The following CDK5RAP1 variants were observed in gnomAD, a reference collection of about 807,000 sequenced individuals.
The protein encoded by CDK5RAP1 is mitochondrial tRNA methylthiotransferase CDK5RAP1.
Under a neutral mutation model 64.5 loss-of-function variants are expected in CDK5RAP1, and 62 were observed. The ratio of observed to expected loss-of-function variants is 0.96; its 90% CI spans 0.78 to 1.19. The LOEUF is 1.19. Among genes scored for constraint, CDK5RAP1 ranks in the 50% most tolerant of loss-of-function variants. The probability of loss-of-function intolerance (pLI) is 0.00; values close to 1 mark genes in which losing one functional copy is unlikely to be tolerated. For missense variants in CDK5RAP1, 657 were observed against 735.0 expected (o/e 0.89, Z 1.23); for synonymous variants, 250 against 261.9 (o/e 0.95, Z 0.44).
intron 8 of CDK5RAP1, among the ~76,000 whole-genome samples, chr20:33,377,802 C>T (rs1190900336): frequency 6.6e-6 from 1 of 152,202 alleles, no homozygotes; most frequent in Non-Finnish European, 1.5e-5. Context: ...CAGGTCTGCA[C>T]AACCAAACCC....
intron 2 of CDK5RAP1, 30 bp downstream of exon 2, chr20:33,396,731 G>A: frequency 3.3e-6 from 5 of 1,529,190 alleles, no homozygotes; most frequent in Admixed American, 1.7e-5. Context: ...AAGGCAGGAA[G>A]CCCAAAGGGA....
In CDK5RAP1 at chr20:33,396,888, C is replaced by T. The variant is rs1988949850; in HGVS notation, c.177G>A (p.Leu59=). 3 of 1,614,062 alleles carry T rather than the reference C, an allele frequency of 1.9e-6. No individual in the cohort carries two copies. The highest frequency in any genetic ancestry group is 1.7e-6 in the Non-Finnish European group (2 of 1,180,026). The change falls in exon 2 of 14, where the codon CTG becomes CTA. Residue 59 remains leucine, a synonymous_variant. Transcript: ENST00000346416. ...AATGTTGAAAAGTCGGTCCAGCAGC[C>T]AGCCTGGAGCTGAAATCCTTCCGAG... ...DGARKDFSSR[L]AAGPTFQHFL...
rs759619652 is a variant in CDK5RAP1 at position 33,387,316 on chromosome 20, G to T, written c.755+7C>A. On this transcript the variant is annotated splice_region_variant and intron_variant, in intron 6 of 13. Coordinates refer to ENST00000346416, the MANE Select transcript of CDK5RAP1 (RefSeq NM_016408.4). ...GCTTATTCCCTATCTCTTAGGCAGT[G>T]ACTCACACAAAGGCAGACGTGGCAC... 6.9e-6 allele frequency: 11 copies of T among 1,600,424 alleles called. No individual in the cohort carries two copies. In the Admixed American group the frequency reaches 1.0e-4, roughly 15 times the overall value.
chr20:33,373,829 T>G (rs1985515038), intron 9 of CDK5RAP1: 2 of 394,224 alleles, frequency 5.1e-6, no homozygotes, highest in Admixed American at 8.3e-5. Flanking sequence ...TCCAGTGCCC[T>G]GTGGCTTAGT....
intron 12 of CDK5RAP1, among the ~76,000 whole-genome samples, chr20:33,361,538 T>A (rs1982916421): frequency 6.6e-6 from 1 of 152,176 alleles, no homozygotes; most frequent in African/African-American, 2.4e-5. Flanking sequence ...TTTATGGATT[T>A]GTCACAGTCA....
At chr20:33,370,771 A>C (rs2146612489) in intron 10 of CDK5RAP1, 142 bp from the exon 11 acceptor site, 3 of 778,152 alleles carry the variant, frequency 3.9e-6, no homozygotes, top group Non-Finnish European at 6.2e-6. Flanking sequence ...AAAATAGTAC[A>C]GAGTAAGGCG....
Position 33,377,427 on chromosome 20 carries a change from G to A in CDK5RAP1, c.1107+2034C>T, listed in dbSNP as rs566945875. ...CTTGCACTTTGATGTTAGAGAGATG[G>A]CTTCTTTCCTCAAACCTTGTAAGTC... On this transcript the variant is annotated intron_variant, in intron 8 of 13. Coordinates refer to ENST00000346416, the MANE Select transcript of CDK5RAP1 (RefSeq NM_016408.4). Among the ~76,000 whole-genome samples, 125 of 152,182 alleles carry A rather than the reference G, an allele frequency of 8.2e-4. 4 individuals are homozygous for A. The South Asian group carries it at 0.021, about 26-fold the overall frequency.
chr20:33,400,372 GAGA>G (rs1989287949), intron 1 of CDK5RAP1, among the ~76,000 whole-genome samples: 1 of 152,214 alleles, frequency 6.6e-6, no homozygotes, highest in South Asian at 2.1e-4. Context: ...TCAAGAGTCA[GAGA>G]AGAACAGCCT....
In CDK5RAP1 at chr20:33,379,455, G is replaced by T; in HGVS notation, c.1107+6C>A. ...ATCAGTTTGTCACAGCTAACCTGAC[G>T]CTCACCTCATCAGGAAAATCCTTGG... On this transcript the variant is annotated splice_donor_region_variant and intron_variant, in intron 8 of 13. Coordinates refer to ENST00000346416, the MANE Select transcript of CDK5RAP1 (RefSeq NM_016408.4). 1 of 1,593,152 alleles carries T rather than the reference G, an allele frequency of 6.3e-7. No homozygotes were observed. The highest frequency in any genetic ancestry group is 2.2e-5 in the East Asian group (1 of 44,778).
intron 1 of CDK5RAP1, among the ~76,000 whole-genome samples, chr20:33,398,782 C>A (rs1307580554): frequency 6.6e-6 from 1 of 151,902 alleles, no homozygotes; most frequent in African/African-American, 2.4e-5. Flanking sequence ...AAAAAATAGC[C>A]GAGCACAGTG....
intron 5 of CDK5RAP1, among the ~76,000 whole-genome samples, chr20:33,389,578 G>A (rs1376080296): frequency 6.8e-6 from 1 of 147,416 alleles, no homozygotes; most frequent in Non-Finnish European, 1.5e-5. Context: ...CCCCGTCCGG[G>A]AGGGAGTAGG....
chr20:33,389,964 A>AT (rs1157266033), intron 5 of CDK5RAP1, among the ~76,000 whole-genome samples: 1 of 148,374 alleles, frequency 6.7e-6, no homozygotes, highest in East Asian at 2.0e-4. Context: ...ACAACGGAGT[A>AT]TTACTCAGCC....
chr20:33,390,198 T>C (rs1317462003), intron 5 of CDK5RAP1, among the ~76,000 whole-genome samples: 2 of 150,780 alleles, frequency 1.3e-5, no homozygotes, highest in African/African-American at 4.9e-5. Flanking sequence ...TGCTTGAGCC[T>C]GGGAGGTTGA....
At chr20:33,384,171 G>GA (rs919624604) in intron 7 of CDK5RAP1, among the ~76,000 whole-genome samples, 6 of 151,976 alleles carry the variant, frequency 3.9e-5, no homozygotes, top group African/African-American at 7.2e-5. Flanking sequence ...CTAAATGAAA[G>GA]AAAAAAAATC....
chr20:33,379,027 G>A (rs904059081), intron 8 of CDK5RAP1, among the ~76,000 whole-genome samples: 2 of 152,052 alleles, frequency 1.3e-5, no homozygotes, highest in African/African-American at 4.8e-5. Flanking sequence ...TCGGCTCACT[G>A]CAGCCTCGAC....
At position 33,358,931 on chromosome 20, in the gene CDK5RAP1, G is replaced by GC. The variant is rs1293934109; in HGVS notation, c.*111dup. 2.7e-6 allele frequency: 2 copies of GC among 746,266 alleles called. No homozygotes were observed. The highest frequency in any genetic ancestry group is 4.6e-6 in the Non-Finnish European group (2 of 434,060). The allele number at this position is 746,266 out of a possible 1,614,324, so 46.2% of individuals were successfully genotyped here. ...TTTTCCACTGACATAAAGTTGCTTC[G>GC]CCCCTTGCAGCTTATCTCCACCTTC... On this transcript the variant is annotated 3_prime_UTR_variant, in exon 14 of 14. Transcript: ENST00000346416.
intron 4 of CDK5RAP1, among the ~76,000 whole-genome samples, chr20:33,393,573 G>C (rs1190762627): frequency 3.9e-5 from 6 of 152,092 alleles, no homozygotes; most frequent in Admixed American, 3.9e-4. Flanking sequence ...ATTAACACTA[G>C]CATGTCTTGA....
At chr20:33,392,906 A>T (rs2146713149) in intron 4 of CDK5RAP1, among the ~76,000 whole-genome samples, 1 of 146,138 alleles carries the variant, frequency 6.8e-6, no homozygotes. Flanking sequence ...TTTGAGATGG[A>T]GTCTCGCTTT....
intron 7 of CDK5RAP1, among the ~76,000 whole-genome samples, chr20:33,383,212 G>A (rs1398480100): frequency 6.6e-6 from 1 of 151,886 alleles, no homozygotes; most frequent in Admixed American, 6.6e-5. Context: ...ATAATAAAAA[G>A]ATTTTTAAAT....
Sources: allele counts gnomAD v4.1 joint callset (sites outside exome capture counted in the v4.1 genomes callset), GRCh38; gene constraint gnomAD v4.1.1; transcripts MANE v1.5; gene names NCBI Gene and HGNC (gene_info 2026-07-23, HGNC 2026-07-21).